The following FRAS1 variants were observed in gnomAD, a reference collection of about 807,000 sequenced individuals.
FRAS1 encodes extracellular matrix organizing protein FRAS1.
FRAS1 carries 290 observed loss-of-function variants against 435.2 expected under a neutral mutation model. The ratio of observed to expected loss-of-function variants is 0.67; its 90% CI spans 0.61 to 0.73. FRAS1 has a LOEUF of 0.73. Among genes scored for constraint, FRAS1 ranks in the 30% least tolerant of loss-of-function variants. The pLI is 0.00. For synonymous variants in FRAS1, 1,800 were observed against 1,851.0 expected, an observed-to-expected ratio of 0.97 and a Z score of 0.71; for missense variants, 4,860 against 5,001.5, an observed-to-expected ratio of 0.97 and a Z score of 0.85.
chr4:78,489,766 A>G (rs1208170076), intron 59 of FRAS1, among the ~76,000 whole-genome samples: 1 of 152,150 alleles, frequency 6.6e-6, no homozygotes, highest in African/African-American at 2.4e-5. Context: ...TATGTTAGAG[A>G]TGAATATACT....
rs79530087 is a variant in FRAS1, at chr4:78,150,288, T to C, written c.108+84272T>C. ...CAAGATAAGTAGTTTTCAAACTTCTTTTAGAAGGGGAACCTATTTTTCCAA... is the reference window on the plus strand; with the variant it reads ...CAAGATAAGTAGTTTTCAAACTTCTCTTAGAAGGGGAACCTATTTTTCCAA... On this transcript the variant is annotated intron_variant, in intron 2 of 73. Coordinates refer to ENST00000512123, the MANE Select transcript of FRAS1 (RefSeq NM_025074.7). 7.5e-4 allele frequency among the ~76,000 whole-genome samples: 114 copies of C among 152,284 alleles called. 2 individuals are homozygous for C. In the East Asian group the frequency reaches 0.019, roughly 25 times the overall value.
At chr4:78,394,042 C>T in intron 29 of FRAS1, among the ~76,000 whole-genome samples, 1 of 151,662 alleles carries the variant, frequency 6.6e-6, no homozygotes, top group East Asian at 1.9e-4. Context: ...TAGGTTTTTT[C>T]CCCATTTTTA....
chr4:78,166,088 T>C (rs561839928), intron 2 of FRAS1, among the ~76,000 whole-genome samples: 1 of 152,328 alleles, frequency 6.6e-6, no homozygotes, highest in East Asian at 1.9e-4. Flanking sequence ...AGTAATCTAA[T>C]TGGTTATTTA....
chr4:78,313,077 C>T (rs1158197410), intron 15 of FRAS1, among the ~76,000 whole-genome samples: 1 of 151,988 alleles, frequency 6.6e-6, no homozygotes, highest in Non-Finnish European at 1.5e-5. Flanking sequence ...TTCTAATTTC[C>T]AAAAATTGCT....
At chr4:78,123,737 C>A (rs1432638777) in intron 2 of FRAS1, among the ~76,000 whole-genome samples, 1 of 152,066 alleles carries the variant, frequency 6.6e-6, no homozygotes, top group Non-Finnish European at 1.5e-5. Flanking sequence ...CTCTTAGTAG[C>A]AATTGTGAAT....
At chr4:78,138,669 G>C (rs1344216891) in intron 2 of FRAS1, among the ~76,000 whole-genome samples, 2 of 152,028 alleles carry the variant, frequency 1.3e-5, no homozygotes, top group African/African-American at 4.8e-5. Flanking sequence ...ATAAATGATA[G>C]GTACTTCAGT....
At chr4:78,269,693 T>A (rs1426871173) in intron 9 of FRAS1, among the ~76,000 whole-genome samples, 1 of 152,212 alleles carries the variant, frequency 6.6e-6, no homozygotes, top group Admixed American at 6.5e-5. Context: ...CATTGAAACA[T>A]AAACAAATCA....
At chr4:78,116,306 G>A (rs1188457783) in intron 2 of FRAS1, among the ~76,000 whole-genome samples, 1 of 152,194 alleles carries the variant, frequency 6.6e-6, no homozygotes, top group African/African-American at 2.4e-5. Flanking sequence ...TGTGTATTCT[G>A]TTGATTTGGG....
intron 29 of FRAS1, among the ~76,000 whole-genome samples, chr4:78,399,325 G>C (rs1409393839): frequency 6.6e-6 from 1 of 152,156 alleles, no homozygotes; most frequent in Non-Finnish European, 1.5e-5. Context: ...TCTTTTCAGA[G>C]TATTCTTCTC....
At chr4:78,472,450 A>C in intron 52 of FRAS1, 120 bp downstream of exon 52, 1 of 800,580 alleles carries the variant, frequency 1.2e-6, no homozygotes, top group South Asian at 2.6e-5. Flanking sequence ...CACTTTGCAG[A>C]GATCTTCTAG....
chr4:78,339,521 C>CG (rs571737419), intron 20 of FRAS1, among the ~76,000 whole-genome samples: 31 of 152,072 alleles, frequency 2.0e-4, no homozygotes, highest in Middle Eastern at 3.4e-3. Flanking sequence ...AGGCATTATG[C>CG]GGGGGGGTGG....
intron 28 of FRAS1, among the ~76,000 whole-genome samples, chr4:78,386,689 G>T (rs1056637082): frequency 6.6e-6 from 1 of 151,966 alleles, no homozygotes; most frequent in Non-Finnish European, 1.5e-5. Flanking sequence ...TTTTTCTGTT[G>T]TGGTTCATTA....
At chr4:78,239,386 G>A (rs747823581) in intron 3 of FRAS1, among the ~76,000 whole-genome samples, 1 of 152,064 alleles carries the variant, frequency 6.6e-6, no homozygotes, top group Non-Finnish European at 1.5e-5. Flanking sequence ...TTTGCTGTCA[G>A]TCTGGTTCCA....
At chr4:78,274,188 A>G (rs1367776212) in intron 9 of FRAS1, among the ~76,000 whole-genome samples, 2 of 152,196 alleles carry the variant, frequency 1.3e-5, no homozygotes, top group East Asian at 1.9e-4. Context: ...TATTGCGTCT[A>G]TCTGATTCTT....
intron 2 of FRAS1, among the ~76,000 whole-genome samples, chr4:78,114,268 C>T (rs1220499644): frequency 6.6e-6 from 1 of 152,142 alleles, no homozygotes; most frequent in Non-Finnish European, 1.5e-5. Flanking sequence ...AGCGTGATGC[C>T]TCCAGCTTTG....
chr4:78,360,310 A>C (rs1293713713), intron 20 of FRAS1, among the ~76,000 whole-genome samples: 3 of 152,220 alleles, frequency 2.0e-5, no homozygotes, highest in Admixed American at 2.0e-4. Context: ...GCAATACCAC[A>C]GTAAAATATT....
At chr4:78,225,780 AT>A (rs1724243830) in intron 2 of FRAS1, among the ~76,000 whole-genome samples, 1 of 152,200 alleles carries the variant, frequency 6.6e-6, no homozygotes, top group South Asian at 2.1e-4. Context: ...ATTGGGATTT[AT>A]TCTTTAAGAC....
chr4:78,090,966 A>G (rs1344912555), intron 2 of FRAS1, among the ~76,000 whole-genome samples: 1 of 152,232 alleles, frequency 6.6e-6, no homozygotes, highest in Non-Finnish European at 1.5e-5. Context: ...AGCCCAATTC[A>G]TGGTAAAACT....
chr4:78,517,082 A>G (rs780457218), intron 66 of FRAS1, among the ~76,000 whole-genome samples: 11 of 152,218 alleles, frequency 7.2e-5, no homozygotes, highest in Non-Finnish European at 1.5e-4. Flanking sequence ...GCTAAAAACT[A>G]GTTAGATGTT....
Sources: allele counts gnomAD v4.1 joint callset (sites outside exome capture counted in the v4.1 genomes callset), GRCh38; gene constraint gnomAD v4.1.1; transcripts MANE v1.5; gene names NCBI Gene and HGNC (gene_info 2026-07-23, HGNC 2026-07-21).